INPP5D: variants seen among roughly 807,000 people sequenced by gnomAD.
The protein encoded by INPP5D is inositol polyphosphate-5-phosphatase D.
Under a neutral mutation model 122.9 loss-of-function variants are expected in INPP5D, and 33 were observed. That is an observed-to-expected ratio of 0.27 (90% CI 0.20 to 0.36). The LOEUF is 0.36. INPP5D is among the 10% of genes least tolerant of loss of function. INPP5D has a pLI of 1.00. For missense variants in INPP5D, 1,053 were observed against 1,412.7 expected (o/e 0.75, Z 4.08); for synonymous variants, 584 against 576.2 (o/e 1.01, Z -0.19).
At chr2:233,192,050 G>T (rs1032860636) in intron 22 of INPP5D, among the ~76,000 whole-genome samples, 30 of 152,146 alleles carry the variant, frequency 2.0e-4, no homozygotes, top group African/African-American at 6.0e-4. Flanking sequence ...TTGGGCCTGA[G>T]CCCAGGCAGC....
intron 1 of INPP5D, among the ~76,000 whole-genome samples, chr2:233,067,148 C>T (rs1310409145): frequency 6.6e-6 from 1 of 152,182 alleles, no homozygotes; most frequent in Non-Finnish European, 1.5e-5. Context: ...CTGTCTGATT[C>T]CAGGACATTC....
At chr2:233,070,327 T>C (rs1040422751) in intron 1 of INPP5D, among the ~76,000 whole-genome samples, 1 of 152,186 alleles carries the variant, frequency 6.6e-6, no homozygotes, top group African/African-American at 2.4e-5. Context: ...TCCCTTCGCT[T>C]TTCAATGCAG....
At chr2:233,063,272 G>A (rs1294678295) in intron 1 of INPP5D, among the ~76,000 whole-genome samples, 1 of 152,216 alleles carries the variant, frequency 6.6e-6, no homozygotes, top group Non-Finnish European at 1.5e-5. Context: ...AAGTCCATGG[G>A]AAAAGTATAC....
chr2:233,074,445 C>T (rs966424113), intron 1 of INPP5D, among the ~76,000 whole-genome samples: 1 of 152,200 alleles, frequency 6.6e-6, no homozygotes, highest in Non-Finnish European at 1.5e-5. Flanking sequence ...TTAATGCTTT[C>T]TCCCTTCTGG....
intron 8 of INPP5D, among the ~76,000 whole-genome samples, chr2:233,147,217 C>T (rs1001338983): frequency 1.9e-4 from 29 of 152,298 alleles, no homozygotes; most frequent in African/African-American, 7.0e-4. Flanking sequence ...CGTCTGTTTC[C>T]GCCAGCAAAC....
At chr2:233,095,825 T>G (rs9288678) in intron 2 of INPP5D, among the ~76,000 whole-genome samples, 107,140 of 152,026 alleles carry the variant, frequency 0.7, 37,980 homozygotes, top group Middle Eastern at 0.8. Context: ...AACCCTAATG[T>G]CCTGCAAATC....
intron 25 of INPP5D, among the ~76,000 whole-genome samples, chr2:233,200,289 G>T (rs967917875): frequency 2.6e-5 from 4 of 152,234 alleles, no homozygotes; most frequent in South Asian, 2.1e-4. Flanking sequence ...ATACACAAGT[G>T]GGGAGCTCTA....
intron 9 of INPP5D, among the ~76,000 whole-genome samples, chr2:233,157,676 C>T (rs1694089412): frequency 6.6e-6 from 1 of 151,702 alleles, no homozygotes; most frequent in Non-Finnish European, 1.5e-5. Context: ...TCAACCTCAT[C>T]TTCCATAGTG....
intron 2 of INPP5D, among the ~76,000 whole-genome samples, chr2:233,097,184 T>G (rs1692167574): frequency 6.6e-6 from 1 of 152,216 alleles, no homozygotes; most frequent in Non-Finnish European, 1.5e-5. Context: ...AAACGCCTCC[T>G]CCTGTTCCAT....
intron 9 of INPP5D, among the ~76,000 whole-genome samples, chr2:233,150,848 G>A (rs1364300801): frequency 1.3e-5 from 2 of 152,190 alleles, no homozygotes; most frequent in African/African-American, 2.4e-5. Flanking sequence ...ACACCACCGA[G>A]GTGGCTCTGA....
At chr2:233,079,848 T>C (rs1559278508) in intron 2 of INPP5D, among the ~76,000 whole-genome samples, 1 of 152,210 alleles carries the variant, frequency 6.6e-6, no homozygotes, top group Non-Finnish European at 1.5e-5. Context: ...TTTGTAGAAC[T>C]CTGTTCTGTC....
At chr2:233,145,861 G>T in intron 6 of INPP5D, 1 of 559,462 alleles carries the variant, frequency 1.8e-6, no homozygotes, top group Middle Eastern at 2.7e-4. Context: ...AGGGAGGAAA[G>T]GTAACATGCA....
chr2:233,154,668 G>T (rs183529030), intron 9 of INPP5D, among the ~76,000 whole-genome samples: 4 of 152,132 alleles, frequency 2.6e-5, no homozygotes, highest in Admixed American at 6.5e-5. Context: ...TATAACTAAG[G>T]TCTGAGTCCT....
At chr2:233,204,053 A>G (rs2106329978) in intron 25 of INPP5D, 73 bp from the exon 26 acceptor site, 2 of 1,439,096 alleles carry the variant, frequency 1.4e-6, no homozygotes, top group African/African-American at 1.4e-5. Context: ...AAAGACCCAG[A>G]GCCATTAAGC....
rs1237083827 is a variant in INPP5D at position 233,170,351 on chromosome 2, ACC to A, written c.1792-143_1792-142del. 2.2e-5 allele frequency: 33 copies of A among 1,489,516 alleles called. No individual in the cohort carries two copies. Among genetic ancestry groups the A allele is most frequent in the Non-Finnish European group, 2.8e-5 (31 of 1,109,536 alleles). The allele number at this position is 1,489,516 out of a possible 1,614,324, so 92.3% of individuals were successfully genotyped here. A position where few individuals can be genotyped will look rare whatever the true frequency, so the allele number is the denominator to read the frequency against. On this transcript the variant is annotated intron_variant, in intron 15 of 26. Transcript: ENST00000445964. This position sits in a 1 kb window ranked among gnomAD's most constrained non-coding sequence, Gnocchi z 4.5. The stretch of plus-strand genomic sequence containing the variant: ...CTCCTCACGGTTCCCCTGTGCTCAC[ACC>A]CGGTTCCCATAACTGTCACAGCCAC...
chr2:233,110,893 C>A lies in INPP5D; in HGVS notation c.199-11214C>A, dbSNP rs533479827. Among the ~76,000 whole-genome samples the A allele has an allele frequency of 2.0e-5, 3 of 151,954 alleles. 1 individual carries two copies. In the South Asian group the frequency reaches 6.2e-4, roughly 32 times the overall value. On this transcript the variant is annotated intron_variant, in intron 2 of 26. Coordinates refer to ENST00000445964, the MANE Select transcript of INPP5D (RefSeq NM_001017915.3). ...TGAGCCAAGATCACACCACTGCACT[C>A]CAGCCTGGGCGACACAGCGAGACTC...
intron 2 of INPP5D, among the ~76,000 whole-genome samples, chr2:233,107,195 G>C (rs1164834603): frequency 6.6e-6 from 1 of 152,172 alleles, no homozygotes; most frequent in Non-Finnish European, 1.5e-5. Context: ...AGGCAGGGCT[G>C]CTGGTGGGTA....
rs376938749 is a variant in INPP5D at position 233,122,121 on chromosome 2, C to T, written c.213C>T (p.Val71=). ...TCTGTCCTCAGGCATCCGAAGGCGT[C>T]TCCATGAGGTTCTTCACCAAGCTGG... ...DKFTVQASEG[V]SMRFFTKLDQ... is the part of the protein sequence containing the mutation. Residue 71 remains valine, a synonymous_variant, in exon 3 of 27, where the codon GTC becomes GTT. Transcript: ENST00000445964. The T allele has an allele frequency of 1.2e-6, 2 of 1,613,940 alleles. No individual in the cohort carries two copies. The highest frequency in any genetic ancestry group is 2.7e-5 in the African/African-American group (2 of 75,042).
At chr2:233,075,130 A>C (rs1691485319) in intron 1 of INPP5D, among the ~76,000 whole-genome samples, 1 of 152,080 alleles carries the variant, frequency 6.6e-6, no homozygotes, top group South Asian at 2.1e-4. Flanking sequence ...ACCTGTCATC[A>C]CCCAGCACCT....
Sources: allele counts gnomAD v4.1 joint callset (sites outside exome capture counted in the v4.1 genomes callset), GRCh38; gene constraint gnomAD v4.1.1; non-coding constraint Gnocchi (gnomAD v3.1); transcripts MANE v1.5; gene names NCBI Gene and HGNC (gene_info 2026-07-23, HGNC 2026-07-21).